PDE3B: variants seen among roughly 807,000 people sequenced by gnomAD.
PDE3B encodes cGMP-inhibited 3',5'-cyclic phosphodiesterase 3B.
A neutral mutation model predicts 116.8 loss-of-function variants in PDE3B; 66 were observed. That is an observed-to-expected ratio of 0.56 (90% CI 0.46 to 0.69). The LOEUF is 0.69. PDE3B is among the 30% of genes least tolerant of loss of function. PDE3B has a pLI of 0.00. For synonymous variants in PDE3B, 595 were observed against 533.6 expected (o/e 1.12, Z -1.59); for missense variants, 1,384 against 1,368.1 (o/e 1.01, Z -0.18).
intron 14 of PDE3B, among the ~76,000 whole-genome samples, chr11:14,863,900 C>T (rs543584373): frequency 4.1e-4 from 63 of 152,218 alleles, no homozygotes; most frequent in African/African-American, 1.4e-3. Context: ...CATCAACTAA[C>T]GGGCAAAATT....
At chr11:14,717,250 C>G (rs1373592338) in intron 1 of PDE3B, among the ~76,000 whole-genome samples, 882 of 77,892 alleles carry the variant, frequency 0.011, no homozygotes, top group Non-Finnish European at 0.012. Context: ...AGCAAAGCCT[C>G]CAAGAAATAT....
chr11:14,897,383 G>A, the PDE3B span, among the ~76,000 whole-genome samples: 1 of 152,128 alleles, frequency 6.6e-6, no homozygotes, highest in Non-Finnish European at 1.5e-5. Context: ...TGGTTTTACA[G>A]GTCAATGCCC....
chr11:14,644,522 C>T lies in PDE3B; in HGVS notation c.447C>T (p.Cys149=), dbSNP rs770588329. ...GGGGACCCGGCCCGGGCCGGAGCTG[C>T]GGCTCCTGGTGGCTGCTGGCGCTGC... is the stretch of plus-strand genomic sequence containing the variant. ...TKRGPGPGRS[C]GSWWLLALPA... The change falls in exon 1 of 16, where the codon TGC becomes TGT. Residue 149 remains cysteine (C), a synonymous_variant. Transcript: ENST00000282096. The T allele has an allele frequency of 7.5e-6, 12 of 1,607,502 alleles. No homozygotes were observed. Among genetic ancestry groups the T allele is most frequent in the African/African-American group, 1.3e-5 (1 of 74,684 alleles).
the PDE3B span, among the ~76,000 whole-genome samples, chr11:14,884,423 A>C: frequency 6.6e-6 from 1 of 151,514 alleles, no homozygotes; most frequent in African/African-American, 2.4e-5. Context: ...TCAGTAAACT[A>C]TCGCAAGAAC....
chr11:14,850,693 C>G (rs149980130), intron 12 of PDE3B, among the ~76,000 whole-genome samples: 1 of 151,940 alleles, frequency 6.6e-6, no homozygotes, highest in East Asian at 1.9e-4. Flanking sequence ...ATTTTTGTAC[C>G]TAGTATAGCT....
downstream of PDE3B, among the ~76,000 whole-genome samples, chr11:14,876,565 A>G (rs1191616858): frequency 6.6e-6 from 1 of 152,324 alleles, no homozygotes; most frequent in African/African-American, 2.4e-5. Context: ...TAAGTGAACC[A>G]TAATTACACT....
chr11:14,847,654 A>T (rs1379059459), intron 12 of PDE3B, among the ~76,000 whole-genome samples: 1 of 152,222 alleles, frequency 6.6e-6, no homozygotes. Context: ...GATAAAGGGG[A>T]TATCACCACC....
intron 7 of PDE3B, among the ~76,000 whole-genome samples, chr11:14,822,217 C>CA (rs889553249): frequency 6.6e-6 from 1 of 151,724 alleles, no homozygotes; most frequent in African/African-American, 2.4e-5. Context: ...TCTCTTTTTA[C>CA]AAAAAAACAA....
At position 14,667,406 on chromosome 11, in the gene PDE3B, C is replaced by T. The variant is rs1590046290; in HGVS notation, c.978+22353C>T. ...ACATGTAACTAACCTGCACATTGTG[C>T]ACATGTACCCTAAAACTTAAAGTAT... On this transcript the variant is annotated intron_variant, in intron 1 of 15. Coordinates refer to ENST00000282096, the MANE Select transcript of PDE3B (RefSeq NM_000922.4). 4.6e-5 allele frequency among the ~76,000 whole-genome samples: 7 copies of T among 150,720 alleles called. No individual in the cohort carries two copies. In the East Asian group the frequency reaches 1.4e-3, roughly 30 times the overall value.
At chr11:14,831,846 C>A in intron 9 of PDE3B, 69 bp downstream of exon 9, 1 of 1,124,288 alleles carries the variant, frequency 8.9e-7, no homozygotes, top group Non-Finnish European at 1.3e-6. Flanking sequence ...AAAGCAAAAT[C>A]TAATATGTAA....
At chr11:14,663,452 A>G (rs987110490) in intron 1 of PDE3B, among the ~76,000 whole-genome samples, 4 of 152,168 alleles carry the variant, frequency 2.6e-5, no homozygotes, top group Non-Finnish European at 5.9e-5. Flanking sequence ...AAATTCACAC[A>G]TAACAATATT....
rs1413378585 is a variant in PDE3B, at chr11:14,871,111, TA to T, written c.*1452del. ...CATTAATTTTCCAAGGTAATTCCTT[TA>T]GAATATGGTATTGGCATGCAGTTTC... On this transcript the variant is annotated 3_prime_UTR_variant, in exon 16 of 16. Transcript: ENST00000282096. 6.6e-6 allele frequency: 1 copy of T among 152,214 alleles called. No individual in the cohort carries two copies. The highest frequency in any genetic ancestry group is 1.5e-5 in the Non-Finnish European group (1 of 68,016). 9.4% of individuals were successfully genotyped at this position (152,214 alleles called of 1,614,324 possible).
chr11:14,826,550 T>A (rs914305883), intron 7 of PDE3B, among the ~76,000 whole-genome samples: 2 of 151,784 alleles, frequency 1.3e-5, no homozygotes, highest in African/African-American at 4.8e-5. Context: ...ACATAACCCC[T>A]CCCAAGACTG....
rs532110912 is a variant in PDE3B at position 14,646,739 on chromosome 11, T to G, written c.978+1686T>G. The stretch of plus-strand genomic sequence containing the variant: ...TCTTGTAAGTGGAAAATTTCTAGGC[T>G]TCTTAATCCTAGTGTGGTGCTCTTT... On this transcript the variant is annotated intron_variant, in intron 1 of 15. Transcript: ENST00000282096. Among the ~76,000 whole-genome samples the G allele has an allele frequency of 2.6e-5, 4 of 152,290 alleles. No homozygotes were observed. The East Asian group carries it at 7.7e-4, about 29-fold the overall frequency.
chr11:14,845,573 A>G (rs1162929308), intron 12 of PDE3B, among the ~76,000 whole-genome samples: 2 of 152,208 alleles, frequency 1.3e-5, no homozygotes, highest in African/African-American at 4.8e-5. Context: ...CCAAAGGCAA[A>G]GAAGTTGAAA....
At chr11:14,759,601 T>C (rs1183332799) in intron 1 of PDE3B, among the ~76,000 whole-genome samples, 6 of 147,644 alleles carry the variant, frequency 4.1e-5, no homozygotes, top group African/African-American at 1.5e-4. Flanking sequence ...CTGGTTGGAG[T>C]GCAGTGGCGT....
At chr11:14,732,255 A>G (rs1295239274) in intron 1 of PDE3B, among the ~76,000 whole-genome samples, 2 of 152,194 alleles carry the variant, frequency 1.3e-5, no homozygotes, top group Admixed American at 6.5e-5. Flanking sequence ...AGATGAAAAT[A>G]ATGAAAAAGC....
At chr11:14,662,683 C>T (rs1479002546) in intron 1 of PDE3B, among the ~76,000 whole-genome samples, 3 of 152,060 alleles carry the variant, frequency 2.0e-5, no homozygotes, top group Admixed American at 1.3e-4. Context: ...GGAGCTGATG[C>T]GATCAACTGG....
chr11:14,663,417 C>T lies in PDE3B; in HGVS notation c.978+18364C>T, dbSNP rs1318248438. On this transcript the variant is annotated intron_variant, in intron 1 of 15. Coordinates refer to ENST00000282096, the MANE Select transcript of PDE3B (RefSeq NM_000922.4). ...TGCATCAACTAACGAGCAAAATAAC[C>T]AGCTAACATCATAATGACAGGATCA... Among the ~76,000 whole-genome samples, 4 of 152,084 alleles carry T rather than the reference C, an allele frequency of 2.6e-5. 1 individual carries two copies. Among genetic ancestry groups the T allele is most frequent in the Admixed American group, 1.3e-4 (2 of 15,264 alleles).
Sources: gnomAD v4.1 joint callset for allele counts (sites outside exome capture counted in the v4.1 genomes callset) on GRCh38, gnomAD v4.1.1 for gene constraint, MANE v1.5 for transcripts, NCBI Gene and HGNC (gene_info 2026-07-23, HGNC 2026-07-21) for gene names.